PSMA1: variants seen among roughly 807,000 people sequenced by gnomAD.
PSMA1 encodes the protein proteasome subunit alpha type-1.
PSMA1 carries 3 observed loss-of-function variants against 38.4 expected under a neutral mutation model. The observed-to-expected ratio is 0.08, with a 90% confidence interval of 0.04 to 0.20. PSMA1 has a LOEUF of 0.20. Ranked by LOEUF, PSMA1 falls within the 10% of genes least tolerant of loss-of-function variation. PSMA1 has a pLI of 1.00. For missense variants in PSMA1, 227 were observed against 325.3 expected (o/e 0.70, Z 2.32); for synonymous variants, 101 against 107.1 (o/e 0.94, Z 0.35).
chr11:14,624,666 T>C (rs958994212), intron 1 of PSMA1, among the ~76,000 whole-genome samples: 3 of 152,122 alleles, frequency 2.0e-5, no homozygotes, highest in Non-Finnish European at 4.4e-5. Flanking sequence ...TAGGGTCACA[T>C]CTTGGCAGGG....
At chr11:14,583,102 C>A (rs1031417713) in intron 2 of PSMA1, among the ~76,000 whole-genome samples, 2 of 152,138 alleles carry the variant, frequency 1.3e-5, no homozygotes, top group African/African-American at 4.8e-5. Flanking sequence ...ACCATTGGCC[C>A]CAGGAGCCAA....
chr11:14,558,839 C>T (rs1265357720), intron 2 of PSMA1, among the ~76,000 whole-genome samples: 1 of 152,220 alleles, frequency 6.6e-6, no homozygotes, highest in Non-Finnish European at 1.5e-5. Context: ...TGGTTAGGAA[C>T]ATTCCACATT....
At chr11:14,533,585 CT>C (rs34379633) in intron 2 of PSMA1, among the ~76,000 whole-genome samples, 51,764 of 147,290 alleles carry the variant, frequency 0.35, 10,658 homozygotes, top group African/African-American at 0.59. Context: ...CTTTTCTTTT[CT>C]TTTTTTTTTT....
chr11:14,614,484 G>C (rs893744790), intron 1 of PSMA1, among the ~76,000 whole-genome samples: 13 of 151,718 alleles, frequency 8.6e-5, no homozygotes, highest in Non-Finnish European at 1.9e-4. Context: ...GCCTTCTACT[G>C]TTCATTGCCA....
intron 1 of PSMA1, among the ~76,000 whole-genome samples, chr11:14,624,388 C>T (rs1462793877): frequency 1.3e-5 from 2 of 152,092 alleles, no homozygotes; most frequent in Non-Finnish European, 2.9e-5. Context: ...ACTCAGAGAC[C>T]TCTATATGGT....
At chr11:14,567,597 A>G (rs975374067) in intron 2 of PSMA1, among the ~76,000 whole-genome samples, 1 of 152,244 alleles carries the variant, frequency 6.6e-6, no homozygotes, top group Admixed American at 6.5e-5. Context: ...AGCCCAAATC[A>G]GTGCTCATGG....
chr11:14,610,858 A>G, intron 2 of PSMA1: 1 of 1,095,372 alleles, frequency 9.1e-7, no homozygotes, highest in Non-Finnish European at 1.3e-6. Flanking sequence ...TAGCCTAGAG[A>G]TGCGTTTTTC....
At chr11:14,530,405 AT>A (rs1851634797) in intron 2 of PSMA1, among the ~76,000 whole-genome samples, 1 of 152,162 alleles carries the variant, frequency 6.6e-6, no homozygotes, top group Non-Finnish European at 1.5e-5. Context: ...GAATATTGGC[AT>A]TTTACTTTCT....
At chr11:14,619,694 G>A (rs781239949) in intron 1 of PSMA1, among the ~76,000 whole-genome samples, 6 of 151,968 alleles carry the variant, frequency 3.9e-5, no homozygotes, top group Non-Finnish European at 5.9e-5. Flanking sequence ...GATGTCTAAC[G>A]GGCAAAATAG....
chr11:14,567,894 G>A (rs570400289), intron 2 of PSMA1, among the ~76,000 whole-genome samples: 9 of 152,270 alleles, frequency 5.9e-5, no homozygotes, highest in Admixed American at 3.3e-4. Context: ...GAAAACAAAC[G>A]TGTGTTAGAT....
intron 1 of PSMA1, 125 bp downstream of exon 1, chr11:14,520,172 C>G: frequency 6.9e-7 from 1 of 1,443,536 alleles, no homozygotes; most frequent in Non-Finnish European, 9.7e-7. Context: ...GGAGCCCGGC[C>G]GTCTGCCGAG....
At chr11:14,581,159 C>A (rs1046477723) in intron 2 of PSMA1, among the ~76,000 whole-genome samples, 4 of 152,156 alleles carry the variant, frequency 2.6e-5, no homozygotes, top group African/African-American at 9.7e-5. Flanking sequence ...GAATAGTCTA[C>A]TATATTCTTG....
At chr11:14,599,734 A>C (rs1456970010) in intron 2 of PSMA1, among the ~76,000 whole-genome samples, 1 of 152,126 alleles carries the variant, frequency 6.6e-6, no homozygotes, top group Non-Finnish European at 1.5e-5. Flanking sequence ...TCTGAAGCCT[A>C]CTTCTGTCCA....
At chr11:14,633,557 C>T (rs373809351) in intron 1 of PSMA1, among the ~76,000 whole-genome samples, 1 of 152,152 alleles carries the variant, frequency 6.6e-6, no homozygotes, top group Non-Finnish European at 1.5e-5. Context: ...CAGACAGGGA[C>T]ATTTAAGTCT....
At chr11:14,625,881 AAACT>A (rs1442162030) in intron 1 of PSMA1, among the ~76,000 whole-genome samples, 3 of 152,238 alleles carry the variant, frequency 2.0e-5, no homozygotes, top group Non-Finnish European at 4.4e-5. Flanking sequence ...CAGAGGATAC[AAACT>A]AACACAGTGC....
intron 1 of PSMA1, chr11:14,519,354 T>C (rs1214722386): frequency 4.9e-6 from 2 of 409,952 alleles, no homozygotes; most frequent in Non-Finnish European, 9.4e-6. Flanking sequence ...TTGCTTATGC[T>C]GCTCCCTTTT....
Position 14,513,809 on chromosome 11 carries a change from G to A in PSMA1, c.414+8C>T. Reference sequence around the variant, plus strand: ...TCATTAACATATAACAATATTCAATGAACTTACATCATAACCAGCAATAAG... The same window carrying A: ...TCATTAACATATAACAATATTCAATAAACTTACATCATAACCAGCAATAAG... On this transcript the variant is annotated splice_region_variant and intron_variant, in intron 6 of 9. Coordinates refer to ENST00000396394, the MANE Select transcript of PSMA1 (RefSeq NM_002786.4). 1 of 1,575,844 alleles carries A rather than the reference G, an allele frequency of 6.3e-7. No homozygotes were observed. The highest frequency in any genetic ancestry group is 8.6e-7 in the Non-Finnish European group (1 of 1,168,178).
At chr11:14,612,081 C>G (rs563728998) in intron 1 of PSMA1, among the ~76,000 whole-genome samples, 2 of 152,282 alleles carry the variant, frequency 1.3e-5, no homozygotes, top group Non-Finnish European at 2.9e-5. Context: ...GACTCAAACT[C>G]TGCCCTGTTT....
intron 4 of PSMA1, among the ~76,000 whole-genome samples, chr11:14,515,504 G>C (rs1851409748): frequency 6.6e-6 from 1 of 151,542 alleles, no homozygotes; most frequent in African/African-American, 2.4e-5. Context: ...CCTTAAGGCT[G>C]TCATTATATT....
Sources: allele counts gnomAD v4.1 joint callset (sites outside exome capture counted in the v4.1 genomes callset), GRCh38; gene constraint gnomAD v4.1.1; transcripts MANE v1.5; gene names NCBI Gene and HGNC (gene_info 2026-07-23, HGNC 2026-07-21).